The following ERBB4 variants were observed in gnomAD, a reference collection of about 807,000 sequenced individuals.
The protein encoded by ERBB4 is erb-b2 receptor tyrosine kinase 4.
Under a neutral mutation model 158.0 loss-of-function variants are expected in ERBB4, and 42 were observed. The observed-to-expected ratio is 0.27, with a 90% CI of 0.21 to 0.34. The LOEUF is 0.34. Ranked by LOEUF, ERBB4 falls within the 10% of genes least tolerant of loss-of-function variation. ERBB4 has a pLI of 1.00. For missense variants in ERBB4, 1,333 were observed against 1,624.1 expected (o/e 0.82, Z 3.08); for synonymous variants, 583 against 558.7 (o/e 1.04, Z -0.61).
At chr2:211,712,884 C>T (rs114653738) in intron 8 of ERBB4, among the ~76,000 whole-genome samples, 2 of 151,944 alleles carry the variant, frequency 1.3e-5, no homozygotes, top group Non-Finnish European at 2.9e-5. Flanking sequence ...TTTTCTAGGG[C>T]ACTCCCTGAT....
In ERBB4 at chr2:211,421,224, C is replaced by CAGTTCATGAAAACTAATTTTGGGGAA. The variant is rs572300410; in HGVS notation, c.2965-639_2965-614dup. Among the ~76,000 whole-genome samples the CAGTTCATGAAAACTAATTTTGGGGAA allele has an allele frequency of 2.9e-3, 448 of 151,982 alleles. 2 individuals carry two copies. The highest frequency in any genetic ancestry group is 0.01 in the African/African-American group (423 of 41,518). On this transcript the variant is annotated intron_variant, in intron 24 of 27. Transcript: ENST00000342788. ...GTTACATAATTTTTGGAAACAATTT[C>CAGTTCATGAAAACTAATTTTGGGGAA]AGTTCATGAAAACTAATTTTGGGGA...
intron 2 of ERBB4, 63 bp from the exon 3 acceptor site, chr2:211,947,679 A>G: frequency 1.5e-6 from 2 of 1,374,722 alleles, no homozygotes; most frequent in Admixed American, 3.7e-5. Flanking sequence ...ATATGTAGCA[A>G]TTTAGATTAA....
intron 5 of ERBB4, among the ~76,000 whole-genome samples, chr2:211,734,695 C>T (rs942299493): frequency 2.0e-5 from 3 of 147,126 alleles, no homozygotes; most frequent in Non-Finnish European, 3.0e-5. Context: ...CCAAGGCGGG[C>T]GGATCATGAG....
chr2:211,773,385 A>G (rs903753695), intron 4 of ERBB4, among the ~76,000 whole-genome samples: 1 of 151,342 alleles, frequency 6.6e-6, no homozygotes, highest in African/African-American at 2.4e-5. Flanking sequence ...CTTATTACAT[A>G]CAAATGAATT....
At chr2:212,466,534 C>T (rs1688844692) in intron 1 of ERBB4, among the ~76,000 whole-genome samples, 1 of 152,146 alleles carries the variant, frequency 6.6e-6, no homozygotes, top group Admixed American at 6.5e-5. Context: ...AGTTTCTCTG[C>T]ACTAGCTCTC....
At chr2:211,840,997 C>G (rs2077457671) in intron 3 of ERBB4, among the ~76,000 whole-genome samples, 1 of 151,808 alleles carries the variant, frequency 6.6e-6, no homozygotes, top group South Asian at 2.1e-4. Context: ...TGGCATATAC[C>G]AATATGTGCT....
intron 2 of ERBB4, among the ~76,000 whole-genome samples, chr2:212,066,187 C>T (rs927489587): frequency 6.6e-6 from 1 of 151,826 alleles, no homozygotes; most frequent in Non-Finnish European, 1.5e-5. Context: ...ATTTAAAGTC[C>T]TCTGGCTGGC....
At chr2:212,259,623 A>C (rs576343047) in intron 1 of ERBB4, among the ~76,000 whole-genome samples, 1 of 152,220 alleles carries the variant, frequency 6.6e-6, no homozygotes, top group Admixed American at 6.5e-5. Flanking sequence ...ATTTCTAAAA[A>C]TCACACAAAA....
intron 20 of ERBB4, among the ~76,000 whole-genome samples, chr2:211,556,037 C>T (rs761672730): frequency 2.6e-5 from 4 of 151,860 alleles, no homozygotes; most frequent in African/African-American, 4.8e-5. Flanking sequence ...AGCTGGATAA[C>T]GAGACCCAAC....
intron 1 of ERBB4, among the ~76,000 whole-genome samples, chr2:212,215,824 C>T (rs1286498605): frequency 2.6e-5 from 4 of 151,342 alleles, no homozygotes; most frequent in African/African-American, 7.3e-5. Flanking sequence ...GGCTATGCGC[C>T]TACTTTTCTT....
intron 1 of ERBB4, among the ~76,000 whole-genome samples, chr2:212,264,770 C>A (rs1195257902): frequency 6.6e-6 from 1 of 151,910 alleles, no homozygotes; most frequent in Non-Finnish European, 1.5e-5. Context: ...AGAAAAGGTT[C>A]ACATTTAAAT....
At chr2:212,094,645 C>A (rs1263783948) in intron 2 of ERBB4, among the ~76,000 whole-genome samples, 2 of 152,106 alleles carry the variant, frequency 1.3e-5, no homozygotes, top group African/African-American at 4.8e-5. Context: ...TTCGCAGGCT[C>A]CCCGGTTACC....
chr2:212,016,944 T>A (rs759941759), intron 2 of ERBB4, among the ~76,000 whole-genome samples: 4 of 152,148 alleles, frequency 2.6e-5, no homozygotes, highest in Non-Finnish European at 5.9e-5. Context: ...ATTTTTATTA[T>A]TATAAAGTGC....
At chr2:211,916,382 G>A (rs1336828220) in intron 3 of ERBB4, among the ~76,000 whole-genome samples, 1 of 152,058 alleles carries the variant, frequency 6.6e-6, no homozygotes, top group Non-Finnish European at 1.5e-5. Flanking sequence ...GTTTCACCAT[G>A]TTGGCTAGGC....
chr2:211,424,866 T>C (rs1280349519), intron 22 of ERBB4, among the ~76,000 whole-genome samples: 2 of 152,124 alleles, frequency 1.3e-5, no homozygotes, highest in African/African-American at 4.8e-5. Flanking sequence ...GAGAGAGGAA[T>C]GTTCCATACG....
At chr2:211,507,039 TACCTC>T (rs2065769115) in intron 20 of ERBB4, among the ~76,000 whole-genome samples, 1 of 152,086 alleles carries the variant, frequency 6.6e-6, no homozygotes, top group Non-Finnish European at 1.5e-5. Flanking sequence ...TCACAATTGA[TACCTC>T]AACTGTAAAA....
At chr2:211,996,363 T>C (rs2082200542) in intron 2 of ERBB4, among the ~76,000 whole-genome samples, 1 of 152,080 alleles carries the variant, frequency 6.6e-6, no homozygotes, top group Admixed American at 6.6e-5. Context: ...CTAGAACATG[T>C]TTCTGTGTTG....
At chr2:212,369,388 T>C (rs892483940) in intron 1 of ERBB4, among the ~76,000 whole-genome samples, 1 of 152,106 alleles carries the variant, frequency 6.6e-6, no homozygotes, top group Non-Finnish European at 1.5e-5. Context: ...ATCTCTGCTG[T>C]CAAATTTCCT....
At chr2:212,163,684 AG>A (rs553827087) in intron 1 of ERBB4, among the ~76,000 whole-genome samples, 87 of 152,210 alleles carry the variant, frequency 5.7e-4, no homozygotes, top group Non-Finnish European at 1.1e-3. Context: ...TACCATTAAA[AG>A]CCAGTTATAC....
Sources: allele counts gnomAD v4.1 joint callset (sites outside exome capture counted in the v4.1 genomes callset), GRCh38; gene constraint gnomAD v4.1.1; transcripts MANE v1.5; gene names NCBI Gene and HGNC (gene_info 2026-07-23, HGNC 2026-07-21).